Variants in TMEM179 observed in about 807,000 individuals in gnomAD.
The protein encoded by TMEM179 is transmembrane protein 179A.
TMEM179 carries 17 observed loss-of-function variants against 22.2 expected under a neutral mutation model. The observed-to-expected ratio is 0.77, with a 90% CI of 0.52 to 1.15. The LOEUF (loss-of-function observed/expected upper bound fraction) is 1.15. TMEM179 is among the 50% of genes most tolerant of loss of function. TMEM179 has a pLI of 0.00. For synonymous variants in TMEM179, 127 were observed against 140.5 expected (o/e 0.90, Z 0.68); for missense variants, 265 against 313.6 (o/e 0.84, Z 1.17).
intron 3 of TMEM179, 70 bp from the exon 4 acceptor site, chr14:104,593,728 G>A (rs924924975): frequency 1.4e-5 from 20 of 1,414,946 alleles, no homozygotes; most frequent in Non-Finnish European, 1.5e-5. Flanking sequence ...CCTCCCACCA[G>A]CCCCCAGGCT....
chr14:104,593,327 GCTCAC>G lies in TMEM179; in HGVS notation c.*147_*151del. On this transcript the variant is annotated 3_prime_UTR_variant, in exon 4 of 4. Coordinates refer to ENST00000556573, the MANE Select transcript of TMEM179 (RefSeq NM_001286389.2). ...CAGGCTCACAGGTGGGCACTGGGGC[GCTCAC>G]CTCACTACACGTGGCGTCGAGGGGA... 1.1e-6 allele frequency: 1 copy of G among 911,680 alleles called. No homozygotes were observed. The highest frequency in any genetic ancestry group is 1.7e-6 in the Non-Finnish European group (1 of 605,410). 56.5% of individuals were successfully genotyped at this position (911,680 alleles called of 1,614,324 possible).
rs1011260233 is a variant in TMEM179 at position 104,596,930 on chromosome 14, G to A, written c.443+60C>T. 4.5e-6 allele frequency: 7 copies of A among 1,571,284 alleles called. No homozygotes were observed. In the African/African-American group the frequency reaches 5.4e-5, roughly 12 times the overall value. On this transcript the variant is annotated intron_variant, in intron 2 of 3. Coordinates refer to ENST00000556573, the MANE Select transcript of TMEM179 (RefSeq NM_001286389.2). ...AGGGAAGATCACCCACAGCAGGGCAGGGTGTCAAGGGATCTTCCGGGGAGG... is the reference window on the plus strand; with the variant it reads ...AGGGAAGATCACCCACAGCAGGGCAAGGTGTCAAGGGATCTTCCGGGGAGG...
chr14:104,594,885 C>A (rs1886965013), intron 3 of TMEM179: 9 of 1,267,664 alleles, frequency 7.1e-6, no homozygotes, highest in South Asian at 2.0e-5. Flanking sequence ...TCCCCCCACA[C>A]CCCCACACTT....
Position 104,604,628 on chromosome 14 carries a change from G to A in TMEM179, c.114C>T (p.Arg38=). ...LSENGHDFRG[R]CLLFTEGMWL... ...ACATGCCCTCGGTGAAGAGCAGGCA[G>A]CGGCCGCGGAAGTCGTGGCCGTTCT... The change falls in exon 1 of 4, where the codon CGC becomes CGT. Residue 38 remains arginine, a synonymous_variant. Transcript: ENST00000556573. This position sits in a 1 kb window ranked among gnomAD's most constrained non-coding sequence, Gnocchi z 4.6. The A allele has an allele frequency of 6.3e-7, 1 of 1,577,624 alleles. No homozygotes were observed. Among genetic ancestry groups the A allele is most frequent in the Non-Finnish European group, 8.6e-7 (1 of 1,164,918 alleles).
At chr14:104,594,470 T>A in intron 3 of TMEM179, 1 of 1,231,742 alleles carries the variant, frequency 8.1e-7, no homozygotes, top group Middle Eastern at 3.1e-4. Flanking sequence ...CCGGCACCCC[T>A]CATCTGCCTC....
At chr14:104,599,917 T>G (rs1013405186) in intron 1 of TMEM179, among the ~76,000 whole-genome samples, 2 of 152,146 alleles carry the variant, frequency 1.3e-5, no homozygotes, top group African/African-American at 4.8e-5. Context: ...TTCCCACCAC[T>G]GAGCATGGGC....
intron 1 of TMEM179, among the ~76,000 whole-genome samples, chr14:104,599,586 A>G (rs1887170266): frequency 6.6e-6 from 1 of 152,156 alleles, no homozygotes; most frequent in Admixed American, 6.5e-5. Flanking sequence ...TGGGGGTGCA[A>G]ATGAGGGGCT....
At chr14:104,600,932 T>C (rs1295964269) in intron 1 of TMEM179, among the ~76,000 whole-genome samples, 1 of 152,206 alleles carries the variant, frequency 6.6e-6, no homozygotes, top group East Asian at 1.9e-4. Context: ...GGTTAGAGCA[T>C]GTGCTGTCCT....
chr14:104,594,104 AATTTAATCAGAAC>A, intron 3 of TMEM179: 1 of 1,233,418 alleles, frequency 8.1e-7, no homozygotes, highest in Non-Finnish European at 1.0e-6. Flanking sequence ...AAGGAGAAAC[AATTTAATCAGAAC>A]CAGGCCTGAG....
rs1566748274 is a variant in TMEM179, at chr14:104,604,763, C to G, written c.-22G>C. ...CCATGGCCGGCCCGGGCGAGAGCGG[C>G]GGCGGGAAGGCCGCGGGAGGCTGCG... On this transcript the variant is annotated 5_prime_UTR_variant, in exon 1 of 4. Coordinates refer to ENST00000556573, the MANE Select transcript of TMEM179 (RefSeq NM_001286389.2). This position sits in a 1 kb window ranked among gnomAD's most constrained non-coding sequence, Gnocchi z 4.6. 1.5e-5 allele frequency: 23 copies of G among 1,492,574 alleles called. No homozygotes were observed. The highest frequency in any genetic ancestry group is 1.9e-5 in the Non-Finnish European group (21 of 1,124,764). The allele number at this position is 1,492,574 out of a possible 1,614,324, so 92.5% of individuals were successfully genotyped here. A position where few individuals can be genotyped will look rare whatever the true frequency, so the allele number is the denominator to read the frequency against.
chr14:104,591,362 T>C lies in TMEM179; in HGVS notation c.*2117A>G, dbSNP rs1311868683. 1 of 455,470 alleles carries C rather than the reference T, an allele frequency of 2.2e-6. No individual in the cohort carries two copies. The highest frequency in any genetic ancestry group is 2.0e-5 in the African/African-American group (1 of 49,886). The allele number at this position is 455,470 out of a possible 1,614,324, so 28.2% of individuals were successfully genotyped here. Reference sequence around the variant, plus strand: ...GCCTGGATCAGGGCTGGGCAGAGGGTGAGGCAGGAGCCACCCCACCTTCTG... The same window carrying C: ...GCCTGGATCAGGGCTGGGCAGAGGGCGAGGCAGGAGCCACCCCACCTTCTG... On this transcript the variant is annotated 3_prime_UTR_variant, in exon 4 of 4. Coordinates refer to ENST00000556573, the MANE Select transcript of TMEM179 (RefSeq NM_001286389.2).
rs771517972 is a variant in TMEM179, at chr14:104,604,455, AG to A, written c.286del (p.Leu96SerfsTer14). On this transcript the variant is annotated frameshift_variant, in exon 1 of 4. Transcript: ENST00000556573. LOFTEE classifies it high-confidence loss of function. The surrounding 1 kb of genome is among the most constrained non-coding windows in gnomAD (Gnocchi z 4.6). Reference protein sequence around the residue: ...AAHAWRTLFFLCKGHEGSFFS... With the variant: ...AAHAWRTLFFXCKGHEGSFFS... ...CACTTACCCCTCGTGTCCCTTGCAG[AG>A]GAAGAAGAGCGTGCGCCAGGCGTGC... 2.7e-5 allele frequency: 42 copies of A among 1,578,168 alleles called. No homozygotes were observed. The highest frequency in any genetic ancestry group is 2.1e-5 in the Non-Finnish European group (25 of 1,167,100).
At chr14:104,594,855 G>T (rs1457686022) in intron 3 of TMEM179, 52 of 1,315,868 alleles carry the variant, frequency 4.0e-5, no homozygotes, top group Non-Finnish European at 5.0e-5. Context: ...CTGATGCCTG[G>T]TTTCGTTTCT....
Position 104,591,291 on chromosome 14 carries a change from G to T in TMEM179, c.*2188C>A, listed in dbSNP as rs1297063488. On this transcript the variant is annotated 3_prime_UTR_variant, in exon 4 of 4. Coordinates refer to ENST00000556573, the MANE Select transcript of TMEM179 (RefSeq NM_001286389.2). ...CGGGGCCAAGCCTCAGGTTCCAGAA[G>T]CCACCCCTGCCTCCTGCCCCTCCTT... 2.3e-6 allele frequency: 1 copy of T among 443,672 alleles called. No individual in the cohort carries two copies. Among genetic ancestry groups the T allele is most frequent in the Non-Finnish European group, 4.5e-6 (1 of 222,462 alleles). The allele number at this position is 443,672 out of a possible 1,614,324, so 27.5% of individuals were successfully genotyped here. A position where few individuals can be genotyped will look rare whatever the true frequency, so the allele number is the denominator to read the frequency against.
At chr14:104,594,984 C>CT in intron 3 of TMEM179, 181 bp downstream of exon 3, 3 of 1,458,614 alleles carry the variant, frequency 2.1e-6, no homozygotes, top group Non-Finnish European at 2.7e-6. Flanking sequence ...AAGCCCAGCT[C>CT]TCCCCCACCT....
intron 3 of TMEM179, chr14:104,594,218 T>C (rs1886940397): frequency 1.6e-6 from 2 of 1,231,864 alleles, no homozygotes; most frequent in Non-Finnish European, 1.0e-6. Flanking sequence ...CTGAGGCCTC[T>C]TCCACTCACT....
chr14:104,601,278 T>G (rs1438212144), intron 1 of TMEM179, among the ~76,000 whole-genome samples: 1 of 152,210 alleles, frequency 6.6e-6, no homozygotes, highest in Non-Finnish European at 1.5e-5. Flanking sequence ...TGCACAGGTA[T>G]CGGGGCCAGG....
Position 104,599,265 on chromosome 14 carries a change from G to A in TMEM179, c.306-2138C>T, listed in dbSNP as rs543568167. On this transcript the variant is annotated intron_variant, in intron 1 of 3. Transcript: ENST00000556573. ...TCTCTGTCTGGAGGCTGAAAGGTGT[G>A]GACCATGGCAATGGCCCCGTGCCCT... 2.0e-5 allele frequency among the ~76,000 whole-genome samples: 3 copies of A among 146,456 alleles called. No homozygotes were observed. In the East Asian group the frequency reaches 6.6e-4, roughly 32 times the overall value.
At chr14:104,602,850 GT>G (rs1278290419) in intron 1 of TMEM179, among the ~76,000 whole-genome samples, 1 of 152,204 alleles carries the variant, frequency 6.6e-6, no homozygotes, top group Admixed American at 6.5e-5. Flanking sequence ...GTTGAATGGT[GT>G]CCCCCGAAAG....
Sources: allele counts gnomAD v4.1 joint callset (sites outside exome capture counted in the v4.1 genomes callset), GRCh38; gene constraint gnomAD v4.1.1; non-coding constraint Gnocchi (gnomAD v3.1); transcripts MANE v1.5; gene names NCBI Gene and HGNC (gene_info 2026-07-23, HGNC 2026-07-21).